RBBP6: variants seen among roughly 807,000 people sequenced by gnomAD.
RBBP6 encodes the protein RB binding protein 6, ubiquitin ligase, also known as E3 ubiquitin-protein ligase RBBP6.
A neutral mutation model predicts 167.7 loss-of-function variants in RBBP6; 25 were observed. The ratio of observed to expected loss-of-function variants is 0.15; its 90% CI spans 0.11 to 0.21. The LOEUF (loss-of-function observed/expected upper bound fraction) is 0.21, where lower values mean the gene tolerates loss of function less well. Ranked by LOEUF, RBBP6 falls within the 10% of genes least tolerant of loss-of-function variation. The pLI is 1.00. For synonymous variants in RBBP6, 789 were observed against 735.8 expected (o/e 1.07, Z -1.17); for missense variants, 1,868 against 2,134.2 (o/e 0.88, Z 2.46).
chr16:24,558,394 T>C, intron 7 of RBBP6: 3 of 808,592 alleles, frequency 3.7e-6, no homozygotes, highest in Non-Finnish European at 3.0e-6. Context: ...CTTTTTTTTT[T>C]TTTTCTTTTT....
chr16:24,553,576 TC>T lies in RBBP6; in HGVS notation c.348+20del. The T allele has an allele frequency of 6.6e-7, 1 of 1,518,794 alleles. No homozygotes were observed. The allele number at this position is 1,518,794 out of a possible 1,614,324, so 94.1% of individuals were successfully genotyped here. Reference sequence around the variant, plus strand: ...TACAAAGGTATATATATATATATATTCTTGAAAATATAAGTTTTTTTCTAAC... The same window carrying T: ...TACAAAGGTATATATATATATATATTTTGAAAATATAAGTTTTTTTCTAAC... On this transcript the variant is annotated intron_variant, in intron 4 of 17. Coordinates refer to ENST00000319715, the MANE Select transcript of RBBP6 (RefSeq NM_006910.5).
At chr16:24,540,871 G>A in intron 1 of RBBP6, 79 bp downstream of exon 1, 2 of 1,513,186 alleles carry the variant, frequency 1.3e-6, no homozygotes, top group Non-Finnish European at 1.8e-6. Context: ...GAAGCTAACC[G>A]CCATTATGTC....
At chr16:24,555,989 T>G in intron 6 of RBBP6, 72 bp downstream of exon 6, 1 of 1,363,220 alleles carries the variant, frequency 7.3e-7, no homozygotes, top group South Asian at 1.2e-5. Flanking sequence ...CTATCTTATT[T>G]TTCTTGGTTA....
intron 3 of RBBP6, among the ~76,000 whole-genome samples, chr16:24,550,371 GT>G (rs397952875): frequency 2.8e-4 from 37 of 134,232 alleles, no homozygotes; most frequent in South Asian, 1.4e-3. Context: ...TTGTTTTTTT[GT>G]TTTTTTTTTT....
chr16:24,571,681 G>T lies in RBBP6; in HGVS notation c.4615G>T (p.Asp1539Tyr). 6.2e-7 allele frequency: 1 copy of T among 1,614,012 alleles called. No individual in the cohort carries two copies. Among genetic ancestry groups the T allele is most frequent in the South Asian group, 1.1e-5 (1 of 91,074 alleles). ...SKKSNSSPSR[D>Y]RKPHDHKATY... ...AAAAAGTAATTCTAGTCCCTCAAGAGACAGAAAACCTCATGATCACAAAGC... is the reference window on the plus strand; with the variant it reads ...AAAAAGTAATTCTAGTCCCTCAAGATACAGAAAACCTCATGATCACAAAGC... The change falls in exon 18 of 18, where the codon GAC (aspartate) becomes TAC (tyrosine). Residue 1539 changes from aspartate to tyrosine, a missense_variant. This residue lies in a region of RBBP6 where 591 missense variants were observed against 540.5 expected (regional missense o/e 1.09). Coordinates refer to ENST00000319715, the MANE Select transcript of RBBP6 (RefSeq NM_006910.5).
intron 2 of RBBP6, among the ~76,000 whole-genome samples, chr16:24,546,784 T>C (rs376609160): frequency 8.5e-5 from 13 of 152,344 alleles, no homozygotes; most frequent in African/African-American, 2.6e-4. Context: ...ATACCAGTTG[T>C]GTGACTTTGG....
intron 7 of RBBP6, chr16:24,558,298 C>CT (rs1438694654): frequency 5.8e-6 from 1 of 172,918 alleles, no homozygotes; most frequent in African/African-American, 2.4e-5. Context: ...TTAAATGAAA[C>CT]TTTCACCCTC....
At chr16:24,552,342 C>G (rs761886298) in intron 3 of RBBP6, among the ~76,000 whole-genome samples, 1 of 151,682 alleles carries the variant, frequency 6.6e-6, no homozygotes, top group Admixed American at 6.6e-5. Context: ...TATTTTAAAA[C>G]TTTTGGTTCT....
chr16:24,547,996 G>GTT (rs148114436), intron 2 of RBBP6, among the ~76,000 whole-genome samples: 2,924 of 150,682 alleles, frequency 0.019, 89 homozygotes, highest in African/African-American at 0.066. Flanking sequence ...ATGCATCTCA[G>GTT]TTTTTTTTTG....
chr16:24,567,119 AT>A, intron 14 of RBBP6, 23 bp from the exon 15 acceptor site: 1 of 1,595,298 alleles, frequency 6.3e-7, no homozygotes, highest in Non-Finnish European at 8.6e-7. Flanking sequence ...TGAAGAAGTA[AT>A]ATCTTGGAAT....
intron 1 of RBBP6, among the ~76,000 whole-genome samples, chr16:24,543,960 T>C (rs539624637): frequency 1.3e-5 from 2 of 152,156 alleles, no homozygotes; most frequent in Non-Finnish European, 2.9e-5. Flanking sequence ...GACTACTTGT[T>C]AAGGAGGTAT....
At position 24,572,160 on chromosome 16, in the gene RBBP6, C is replaced by A. The variant is rs199542387; in HGVS notation, c.5094C>A (p.Val1698=). 81 of 1,613,914 alleles carry A rather than the reference C, an allele frequency of 5.0e-5. No individual in the cohort carries two copies. The highest frequency in any genetic ancestry group is 6.5e-5 in the Non-Finnish European group (77 of 1,179,968). ...SRNQSHSSPS[V]SPSRSHSPSG... is the part of the protein sequence containing the mutation. ...ATCAGAGCCACAGCAGCCCCAGCGTCAGCCCCAGCAGAAGCCACAGTCCTT... is the reference window on the plus strand; with the variant it reads ...ATCAGAGCCACAGCAGCCCCAGCGTAAGCCCCAGCAGAAGCCACAGTCCTT... Residue 1698 remains valine (V), a synonymous_variant, in exon 18 of 18, where the codon GTC becomes GTA. Transcript: ENST00000319715.
chr16:24,549,080 T>A, intron 3 of RBBP6, 99 bp downstream of exon 3: 2 of 1,544,858 alleles, frequency 1.3e-6, no homozygotes, highest in Non-Finnish European at 1.8e-6. Context: ...ATCCAACTGA[T>A]CATAGTACAT....
rs756562712 is a variant in RBBP6 at position 24,569,927 on chromosome 16, G to A, written c.3237G>A (p.Gln1079=). The change falls in exon 17 of 18, where the codon CAG becomes CAA. Residue 1079 remains glutamine, a synonymous_variant. Transcript: ENST00000319715. Reference sequence around the variant, plus strand: ...ATACTAAATCATCATCTTCCTCTCAGAAGGATGAAAAAATCACTGGAACCC... The same window carrying A: ...ATACTAAATCATCATCTTCCTCTCAAAAGGATGAAAAAATCACTGGAACCC... The part of the protein sequence containing the change: ...TDNTKSSSSS[Q]KDEKITGTPR... 9 of 1,604,166 alleles carry A rather than the reference G, an allele frequency of 5.6e-6. No homozygotes were observed. The African/African-American group carries it at 9.5e-5, about 17-fold the overall frequency.
In RBBP6 at chr16:24,571,731, TGAA is replaced by T. The variant is rs1899344574; in HGVS notation, c.4668_4670del (p.Glu1557del). 1 of 1,613,958 alleles carries T rather than the reference TGAA, an allele frequency of 6.2e-7. No homozygotes were observed. The highest frequency in any genetic ancestry group is 8.5e-7 in the Non-Finnish European group (1 of 1,179,984). Reference sequence around the variant, plus strand: ...CCACTTATGATACTAAACGGCCAAATGAAGAGACAAAATCTGTAGATAAAAATC... The same window carrying T: ...CCACTTATGATACTAAACGGCCAAATGAGACAAAATCTGTAGATAAAAATC... On this transcript the variant is annotated inframe_deletion, in exon 18 of 18. Coordinates refer to ENST00000319715, the MANE Select transcript of RBBP6 (RefSeq NM_006910.5).
chr16:24,567,410 A>T lies in RBBP6; in HGVS notation c.1857A>T (p.Gly619=), dbSNP rs777031912. Residue 619 remains glycine, a synonymous_variant, in exon 15 of 18, where the codon GGA becomes GGT. Coordinates refer to ENST00000319715, the MANE Select transcript of RBBP6 (RefSeq NM_006910.5). ...ANLSTPWVSS[G]VQTAHSNTIP... ...TATCAACACCTTGGGTATCATCAGG[A>T]GTGCAGACAGCTCATTCAAATACCA... 6.2e-7 allele frequency: 1 copy of T among 1,614,204 alleles called. No homozygotes were observed. The highest frequency in any genetic ancestry group is 2.2e-5 in the East Asian group (1 of 44,882).
At chr16:24,542,165 A>G (rs1898516667) in intron 1 of RBBP6, among the ~76,000 whole-genome samples, 1 of 152,182 alleles carries the variant, frequency 6.6e-6, no homozygotes, top group Non-Finnish European at 1.5e-5. Context: ...GAGAGGAAAA[A>G]CTGGTGGTGG....
chr16:24,570,815 A>C, intron 17 of RBBP6, 61 bp from the exon 18 acceptor site: 1 of 1,225,164 alleles, frequency 8.2e-7, no homozygotes. Flanking sequence ...TATATTTATC[A>C]GTGTTTTATA....
chr16:24,542,862 G>T (rs911041576), intron 1 of RBBP6, among the ~76,000 whole-genome samples: 7 of 152,104 alleles, frequency 4.6e-5, no homozygotes, highest in Admixed American at 3.3e-4. Flanking sequence ...TAAATGATAC[G>T]TAATTCAAAC....
Sources: allele counts gnomAD v4.1 joint callset (sites outside exome capture counted in the v4.1 genomes callset), GRCh38; gene constraint gnomAD v4.1.1; regional missense constraint gnomAD v4.1.1; transcripts MANE v1.5; gene names NCBI Gene and HGNC (gene_info 2026-07-23, HGNC 2026-07-21).